Variants in SCARA5 observed in about 807,000 individuals in gnomAD.
The protein encoded by SCARA5 is scavenger receptor class A, member 5 (putative).
In SCARA5, 45 loss-of-function variants were observed where a neutral mutation model predicts 46.3. The observed-to-expected ratio is 0.97, with a 90% CI of 0.76 to 1.24. The LOEUF (loss-of-function observed/expected upper bound fraction) is 1.24, where lower values mean the gene tolerates loss of function less well. SCARA5 is among the 50% of genes most tolerant of loss of function. The probability of loss-of-function intolerance (pLI) is 0.00; values close to 1 mark genes in which losing one functional copy is unlikely to be tolerated. For missense variants in SCARA5, 680 were observed against 689.0 expected, an observed-to-expected ratio of 0.99 and a Z score of 0.15; for synonymous variants, 333 against 306.5, an observed-to-expected ratio of 1.09 and a Z score of -0.90.
chr8:27,991,790 A>C (rs1395301502), intron 1 of SCARA5, among the ~76,000 whole-genome samples: 1 of 152,132 alleles, frequency 6.6e-6, no homozygotes, highest in Non-Finnish European at 1.5e-5. Context: ...GATATTTTAG[A>C]AATAACCTCT....
chr8:27,925,991 A>G (rs1807674007), intron 3 of SCARA5, among the ~76,000 whole-genome samples: 3 of 152,206 alleles, frequency 2.0e-5, no homozygotes, highest in Admixed American at 2.0e-4. Flanking sequence ...ATGCTTTTAC[A>G]CTGTTGGTGG....
At position 27,871,264 on chromosome 8, in the gene SCARA5, G is replaced by T; in HGVS notation, c.*670C>A. ...TGCAGCTAAGTGGATACATGAATTT[G>T]GCACCCAAGATACTATTTAGCGTGC... On this transcript the variant is annotated 3_prime_UTR_variant, in exon 9 of 9. Coordinates refer to ENST00000354914, the MANE Select transcript of SCARA5 (RefSeq NM_173833.6). 1.0e-5 allele frequency: 2 copies of T among 198,150 alleles called. No homozygotes were observed. Among genetic ancestry groups the T allele is most frequent in the Non-Finnish European group, 1.8e-5 (2 of 110,100 alleles). The allele number at this position is 198,150 out of a possible 1,614,324, so 12.3% of individuals were successfully genotyped here.
intron 7 of SCARA5, among the ~76,000 whole-genome samples, chr8:27,894,968 C>G (rs920624667): frequency 1.3e-5 from 2 of 152,094 alleles, no homozygotes; most frequent in Non-Finnish European, 2.9e-5. Flanking sequence ...CTAAATACCC[C>G]AAAACCTGCT....
At chr8:27,903,877 A>G (rs565618341) in intron 7 of SCARA5, among the ~76,000 whole-genome samples, 1 of 152,310 alleles carries the variant, frequency 6.6e-6, no homozygotes, top group East Asian at 1.9e-4. Context: ...CCTAGATGCC[A>G]GAGGCAGTGA....
chr8:27,989,661 G>C (rs1357514026), intron 1 of SCARA5, among the ~76,000 whole-genome samples: 1 of 152,210 alleles, frequency 6.6e-6, no homozygotes, highest in East Asian at 1.9e-4. Context: ...CAGCCTATGG[G>C]AGGGATGGAA....
At chr8:27,960,128 C>A (rs1808271890) in intron 3 of SCARA5, among the ~76,000 whole-genome samples, 1 of 151,824 alleles carries the variant, frequency 6.6e-6, no homozygotes, top group Admixed American at 6.6e-5. Flanking sequence ...ATTCTGAAAG[C>A]AAACTGTCTC....
At chr8:27,887,999 A>G (rs765067222) in intron 7 of SCARA5, among the ~76,000 whole-genome samples, 2 of 152,198 alleles carry the variant, frequency 1.3e-5, no homozygotes, top group African/African-American at 2.4e-5. Flanking sequence ...CCCAGAACCA[A>G]ATGGATTTGC....
intron 7 of SCARA5, among the ~76,000 whole-genome samples, chr8:27,883,229 T>C (rs1053382073): frequency 6.6e-6 from 1 of 152,200 alleles, no homozygotes; most frequent in Non-Finnish European, 1.5e-5. Context: ...AGGGGAAATG[T>C]TGGGGACCCA....
Position 27,907,178 on chromosome 8 carries a change from T to C in SCARA5, c.1066A>G (p.Thr356Ala). 6.2e-7 allele frequency: 1 copy of C among 1,613,826 alleles called. No individual in the cohort carries two copies. The highest frequency in any genetic ancestry group is 1.1e-5 in the South Asian group (1 of 90,980). ...AACCCACGCATGCCCATTGGTCCTG[T>C]GGCCCCCAGCTTCCCATCATCGCCC... ...PKGDDGKLGA[T>A]GPMGMRGFKG... The change falls in exon 6 of 9, where the codon ACA (threonine) becomes GCA (alanine). Residue 356 changes from threonine (T) to alanine (A), a missense_variant. Thr to Ala is a moderately conservative substitution (Grantham distance 58, BLOSUM62 0). Around this residue, in one of 3 missense-constraint regions of SCARA5, gnomAD observed 219 missense variants for 269.5 expected, o/e 0.81. Coordinates refer to ENST00000354914, the MANE Select transcript of SCARA5 (RefSeq NM_173833.6).
rs148869916 is a variant in SCARA5, at chr8:27,891,057, C to T, written c.1154-11291G>A. 4.1e-3 allele frequency among the ~76,000 whole-genome samples: 624 copies of T among 152,274 alleles called. 4 individuals carry two copies. The highest frequency in any genetic ancestry group is 7.2e-3 in the Non-Finnish European group (491 of 68,030). On this transcript the variant is annotated intron_variant, in intron 7 of 8. Transcript: ENST00000354914. The stretch of plus-strand genomic sequence containing the variant: ...GGCATTTCAGACTTCCTCATTTCTT[C>T]ACTGTCCCATGGGCCTCTCAGGGTT...
At chr8:27,952,025 CAAA>C (rs1055342699) in intron 3 of SCARA5, among the ~76,000 whole-genome samples, 3 of 125,054 alleles carry the variant, frequency 2.4e-5, no homozygotes, top group African/African-American at 9.3e-5. Flanking sequence ...TAGGTGTAAT[CAAA>C]CTAAGATGAG....
intron 3 of SCARA5, among the ~76,000 whole-genome samples, chr8:27,966,157 G>A (rs1431169153): frequency 6.6e-6 from 1 of 152,316 alleles, no homozygotes; most frequent in East Asian, 1.9e-4. Context: ...CCACAATGAT[G>A]CAGGAAAAGT....
At chr8:27,984,233 G>C (rs1363117076) in intron 2 of SCARA5, among the ~76,000 whole-genome samples, 1 of 152,124 alleles carries the variant, frequency 6.6e-6, no homozygotes, top group Non-Finnish European at 1.5e-5. Flanking sequence ...ATTTCCCCAA[G>C]TCAAGCTCAT....
In SCARA5 at chr8:27,871,929, C is replaced by T. The variant is rs374748913; in HGVS notation, c.*5G>A. On this transcript the variant is annotated 3_prime_UTR_variant, in exon 9 of 9. Transcript: ENST00000354914. ...CAGGACCCCGAACTTGGGCTCTGCC[C>T]ACTTTCAGTGTCTGTTGCATGTCAC... is the stretch of plus-strand genomic sequence containing the variant. 6 of 1,613,948 alleles carry T rather than the reference C, an allele frequency of 3.7e-6. No individual in the cohort carries two copies. In the African/African-American group the frequency reaches 4.0e-5, roughly 11 times the overall value.
At chr8:27,962,516 A>G (rs976160742) in intron 3 of SCARA5, among the ~76,000 whole-genome samples, 1 of 152,202 alleles carries the variant, frequency 6.6e-6, no homozygotes, top group Admixed American at 6.5e-5. Flanking sequence ...GGTTGATGGC[A>G]TTATGCTCCT....
At chr8:27,954,611 G>C (rs1808179822) in intron 3 of SCARA5, among the ~76,000 whole-genome samples, 1 of 152,170 alleles carries the variant, frequency 6.6e-6, no homozygotes. Flanking sequence ...TGCACACTTA[G>C]GTTCTTTCCA....
intron 1 of SCARA5, among the ~76,000 whole-genome samples, chr8:27,989,925 G>A (rs1007115844): frequency 6.6e-6 from 1 of 152,236 alleles, no homozygotes; most frequent in African/African-American, 2.4e-5. Flanking sequence ...TCCTTGCGGG[G>A]CTGTGAAGCA....
At chr8:27,966,913 A>G (rs1808378084) in intron 2 of SCARA5, among the ~76,000 whole-genome samples, 1 of 152,230 alleles carries the variant, frequency 6.6e-6, no homozygotes, top group Admixed American at 6.5e-5. Flanking sequence ...AAGAGAAATT[A>G]AAACAGGAGT....
At chr8:27,990,709 G>A (rs2685391) in intron 1 of SCARA5, among the ~76,000 whole-genome samples, 46,240 of 152,022 alleles carry the variant, frequency 0.3, 7,020 homozygotes, top group East Asian at 0.36. Flanking sequence ...TCCCACCTCA[G>A]ACTGCCAGCC....
Sources: allele counts gnomAD v4.1 joint callset (sites outside exome capture counted in the v4.1 genomes callset), GRCh38; gene constraint gnomAD v4.1.1; regional missense constraint gnomAD v4.1.1; transcripts MANE v1.5; gene names NCBI Gene and HGNC (gene_info 2026-07-23, HGNC 2026-07-21).